The following OSBPL11 variants were observed in gnomAD, a reference collection of about 807,000 sequenced individuals.
OSBPL11 encodes oxysterol binding protein like 11.
Under a neutral mutation model 84.4 loss-of-function variants are expected in OSBPL11, and 33 were observed. The ratio of observed to expected loss-of-function variants is 0.39; its 90% CI spans 0.30 to 0.52. The LOEUF (loss-of-function observed/expected upper bound fraction) is 0.52. Ranked by LOEUF, OSBPL11 falls within the 20% of genes least tolerant of loss-of-function variation. The pLI, the probability that OSBPL11 is intolerant of heterozygous loss-of-function variation, is 0.72. For missense variants in OSBPL11, 736 were observed against 901.1 expected (o/e 0.82, Z 2.35); for synonymous variants, 276 against 310.2 (o/e 0.89, Z 1.16).
rs542424923 is a variant in OSBPL11, at chr3:125,529,789, T to C, written c.*726A>G. ...TAATAAAACTAGGTACTGAAAAATG[T>C]TCTGAAATTTTTCAAGTCAATGTTG... On this transcript the variant is annotated 3_prime_UTR_variant, in exon 13 of 13. Coordinates refer to ENST00000296220, the MANE Select transcript of OSBPL11 (RefSeq NM_022776.5). 8.5e-5 allele frequency: 13 copies of C among 152,736 alleles called. No individual in the cohort carries two copies. The highest frequency in any genetic ancestry group is 7.2e-4 in the Admixed American group (11 of 15,286). The allele number at this position is 152,736 out of a possible 1,614,324, so 9.5% of individuals were successfully genotyped here. A position where few individuals can be genotyped will look rare whatever the true frequency, so the allele number is the denominator to read the frequency against.
chr3:125,538,395 TA>T, intron 11 of OSBPL11, 55 bp downstream of exon 11: 1 of 1,532,402 alleles, frequency 6.5e-7, no homozygotes, highest in Non-Finnish European at 8.9e-7. Context: ...TGAAAAGGCT[TA>T]GATTAAGATG....
At chr3:125,575,574 G>C (rs1348151663) in intron 5 of OSBPL11, among the ~76,000 whole-genome samples, 1 of 151,760 alleles carries the variant, frequency 6.6e-6, no homozygotes, top group Non-Finnish European at 1.5e-5. Flanking sequence ...CTGCTACCCA[G>C]GCTGGAGTGC....
At chr3:125,560,230 C>A in intron 8 of OSBPL11, 149 bp downstream of exon 8, 1 of 655,682 alleles carries the variant, frequency 1.5e-6, no homozygotes, top group Non-Finnish European at 2.1e-6. Flanking sequence ...CATTGCACTC[C>A]AGCCTGGGCA....
At chr3:125,592,420 G>A (rs1936611543) in intron 1 of OSBPL11, among the ~76,000 whole-genome samples, 1 of 152,118 alleles carries the variant, frequency 6.6e-6, no homozygotes, top group Non-Finnish European at 1.5e-5. Context: ...TGACTTAAAA[G>A]TTTTCTGTGT....
At chr3:125,562,289 C>A (rs906633737) in intron 7 of OSBPL11, among the ~76,000 whole-genome samples, 1 of 152,144 alleles carries the variant, frequency 6.6e-6, no homozygotes. Context: ...CAGTGAAAAA[C>A]CTGTATCTTC....
At chr3:125,580,095 A>C in intron 2 of OSBPL11, 55 bp from the exon 3 acceptor site, 2 of 1,477,400 alleles carry the variant, frequency 1.4e-6, no homozygotes, top group Middle Eastern at 1.8e-4. Flanking sequence ...CAGCAAACTA[A>C]AGCAAAGCAA....
chr3:125,593,208 C>T lies in OSBPL11; in HGVS notation c.164+1429G>A, dbSNP rs561588613. Reference sequence around the variant, plus strand: ...GACGAAGCGCCACGGACAGGGGACCCGCGGCCCCTGCCACAGGTCACACAC... The same window carrying T: ...GACGAAGCGCCACGGACAGGGGACCTGCGGCCCCTGCCACAGGTCACACAC... On this transcript the variant is annotated intron_variant, in intron 1 of 12. Transcript: ENST00000296220. 6.6e-5 allele frequency among the ~76,000 whole-genome samples: 10 copies of T among 152,180 alleles called. No individual in the cohort carries two copies. The East Asian group carries it at 1.9e-3, about 29-fold the overall frequency.
intron 2 of OSBPL11, among the ~76,000 whole-genome samples, chr3:125,582,073 G>A (rs866265031): frequency 2.0e-5 from 3 of 151,970 alleles, no homozygotes; most frequent in African/African-American, 4.8e-5. Flanking sequence ...GGTGGCTCAC[G>A]CCTGTGATCC....
chr3:125,551,179 AAAAAAATT>A (rs1174393843), intron 9 of OSBPL11, among the ~76,000 whole-genome samples: 2 of 99,974 alleles, frequency 2.0e-5, no homozygotes. Context: ...AAAAAAAAAA[AAAAAAATT>A]AAATTAAATT....
intron 10 of OSBPL11, among the ~76,000 whole-genome samples, chr3:125,540,791 C>G (rs544409646): frequency 6.6e-6 from 1 of 152,206 alleles, no homozygotes; most frequent in African/African-American, 2.4e-5. Flanking sequence ...ATTACAGGGT[C>G]CGTATTGTTT....
At position 125,584,378 on chromosome 3, in the gene OSBPL11, A is replaced by C. The variant is rs1419145887; in HGVS notation, c.165-1400T>G. 4.6e-5 allele frequency among the ~76,000 whole-genome samples: 7 copies of C among 152,120 alleles called. No homozygotes were observed. In the East Asian group the frequency reaches 1.3e-3, roughly 29 times the overall value. ...GAGACTCCATCATAAACAAAAACAA[A>C]AATAAAAAAACAGAAAAACTTACTC... On this transcript the variant is annotated intron_variant, in intron 1 of 12. Coordinates refer to ENST00000296220, the MANE Select transcript of OSBPL11 (RefSeq NM_022776.5).
intron 10 of OSBPL11, among the ~76,000 whole-genome samples, chr3:125,540,441 C>T (rs1469756162): frequency 2.0e-5 from 3 of 149,950 alleles, no homozygotes; most frequent in Admixed American, 6.7e-5. Flanking sequence ...AATAGGAATT[C>T]TGGGTTATGC....
chr3:125,576,157 T>A (rs961880474), intron 5 of OSBPL11, 32 bp downstream of exon 5: 1 of 1,569,946 alleles, frequency 6.4e-7, no homozygotes, highest in Non-Finnish European at 8.6e-7. Flanking sequence ...AATCATTTTG[T>A]GCATTTTAAC....
At chr3:125,542,219 A>G (rs1406161017) in intron 10 of OSBPL11, among the ~76,000 whole-genome samples, 1 of 152,270 alleles carries the variant, frequency 6.6e-6, no homozygotes, top group African/African-American at 2.4e-5. Flanking sequence ...TTAGGAATTT[A>G]AAAGTAAAAG....
At chr3:125,581,284 GT>G (rs1357274172) in intron 2 of OSBPL11, among the ~76,000 whole-genome samples, 1 of 152,056 alleles carries the variant, frequency 6.6e-6, no homozygotes, top group Non-Finnish European at 1.5e-5. Flanking sequence ...TAGAGATGGA[GT>G]TTTGCCATGT....
At chr3:125,530,999 C>T (rs1935547324) in intron 12 of OSBPL11, among the ~76,000 whole-genome samples, 1 of 151,586 alleles carries the variant, frequency 6.6e-6, no homozygotes, top group African/African-American at 2.4e-5. Context: ...TTTTTTCCCC[C>T]AAGACGGAGT....
chr3:125,553,198 C>CA lies in OSBPL11; in HGVS notation c.1156-520dup, dbSNP rs908362260. ...AATTCAAGAGAGTCAGAAGAAACTT[C>CA]AAAAAAATCCTCAAACTTCTAGACT... On this transcript the variant is annotated intron_variant, in intron 8 of 12. Coordinates refer to ENST00000296220, the MANE Select transcript of OSBPL11 (RefSeq NM_022776.5). Among the ~76,000 whole-genome samples the CA allele has an allele frequency of 1.0e-3, 157 of 152,230 alleles. 2 individuals are homozygous for CA. Among genetic ancestry groups the CA allele is most frequent in the Admixed American group, 9.6e-3 (146 of 15,284 alleles).
chr3:125,574,537 A>G (rs1176445606), intron 5 of OSBPL11, among the ~76,000 whole-genome samples: 1 of 151,786 alleles, frequency 6.6e-6, no homozygotes, highest in Non-Finnish European at 1.5e-5. Flanking sequence ...AATGACAGAA[A>G]GAAACTATGG....
At chr3:125,573,319 G>T (rs373098101) in intron 5 of OSBPL11, among the ~76,000 whole-genome samples, 128 of 152,100 alleles carry the variant, frequency 8.4e-4, no homozygotes, top group African/African-American at 2.9e-3. Flanking sequence ...CATATAATTT[G>T]TCTGAAAACC....
Sources: allele counts gnomAD v4.1 joint callset (sites outside exome capture counted in the v4.1 genomes callset), GRCh38; gene constraint gnomAD v4.1.1; transcripts MANE v1.5; gene names NCBI Gene and HGNC (gene_info 2026-07-23, HGNC 2026-07-21).